Variants in GALNT9 observed in about 807,000 individuals in gnomAD.
GALNT9 encodes polypeptide N-acetylgalactosaminyltransferase 9.
GALNT9 carries 47 observed loss-of-function variants against 63.1 expected under a neutral mutation model. That is an observed-to-expected ratio of 0.75 (90% CI 0.59 to 0.95). The LOEUF (loss-of-function observed/expected upper bound fraction) is 0.95. Among genes scored for constraint, GALNT9 ranks in the 40% least tolerant of loss-of-function variants. GALNT9 has a pLI of 0.00. For missense variants in GALNT9, 829 were observed against 874.8 expected (o/e 0.95, Z 0.66); for synonymous variants, 396 against 365.7 (o/e 1.08, Z -0.94).
intron 6 of GALNT9, among the ~76,000 whole-genome samples, chr12:132,241,114 C>A (rs1878309452): frequency 7.5e-6 from 1 of 133,054 alleles, no homozygotes; most frequent in African/African-American, 2.9e-5. Context: ...CCATTACACA[C>A]ACAACACACA....
chr12:132,288,104 C>T (rs1046578526), intron 1 of GALNT9, among the ~76,000 whole-genome samples: 4 of 152,198 alleles, frequency 2.6e-5, no homozygotes, highest in Non-Finnish European at 4.4e-5. Context: ...GACCTTCTCT[C>T]GCGGCGCCAG....
At chr12:132,285,607 C>T (rs1373957616) in intron 2 of GALNT9, among the ~76,000 whole-genome samples, 2 of 152,230 alleles carry the variant, frequency 1.3e-5, no homozygotes, top group South Asian at 4.1e-4. Flanking sequence ...GAATGCCCTT[C>T]GCTTCAGACA....
intron 6 of GALNT9, among the ~76,000 whole-genome samples, chr12:132,227,313 C>T (rs1425430512): frequency 1.3e-5 from 2 of 152,248 alleles, no homozygotes; most frequent in South Asian, 2.1e-4. Context: ...TCCCCGAACG[C>T]GTGTGGGGAA....
intron 1 of GALNT9, among the ~76,000 whole-genome samples, chr12:132,312,708 C>T (rs1358715513): frequency 1.3e-5 from 2 of 152,212 alleles, no homozygotes; most frequent in African/African-American, 4.8e-5. Flanking sequence ...CTGGCCCTGC[C>T]CTTGCTGAAG....
intron 1 of GALNT9, among the ~76,000 whole-genome samples, chr12:132,313,819 C>T (rs1425402722): frequency 2.9e-5 from 3 of 102,482 alleles, no homozygotes; most frequent in South Asian, 4.1e-4. Context: ...CCCATCCACC[C>T]ACCCAGCCAC....
chr12:132,220,178 A>G (rs28514346), intron 6 of GALNT9, among the ~76,000 whole-genome samples: 131,426 of 152,272 alleles, frequency 0.86, 57,001 homozygotes, highest in East Asian at 1. Context: ...AGGATCACCT[A>G]AGCCCAGGAG....
At position 132,310,605 on chromosome 12, in the gene GALNT9, A is replaced by G. The variant is rs1274569276; in HGVS notation, c.238+18361T>C. Among the ~76,000 whole-genome samples, 5 of 152,168 alleles carry G rather than the reference A, an allele frequency of 3.3e-5. No individual in the cohort carries two copies. Among genetic ancestry groups the G allele is most frequent in the Non-Finnish European group, 5.9e-5 (4 of 68,016 alleles). ...ATATGTGGGCGGCTGTGATTTTTCA[A>G]CTTGGAAGGAAGTGGGCTTTCAAGC... On this transcript the variant is annotated intron_variant, in intron 1 of 10. Transcript: ENST00000328957. The surrounding 1 kb of genome is among the most constrained non-coding windows in gnomAD (Gnocchi z 4.8).
rs930877452 is a variant in GALNT9 at position 132,310,453 on chromosome 12, G to A, written c.238+18513C>T. Among the ~76,000 whole-genome samples the A allele has an allele frequency of 9.9e-5, 15 of 152,164 alleles. No individual in the cohort carries two copies. The highest frequency in any genetic ancestry group is 7.7e-4 in the East Asian group (4 of 5,186). On this transcript the variant is annotated intron_variant, in intron 1 of 10. Transcript: ENST00000328957. This position sits in a 1 kb window ranked among gnomAD's most constrained non-coding sequence, Gnocchi z 4.8. The stretch of plus-strand genomic sequence containing the variant: ...CAGCCCCACCCAGAAGGACGGGGCC[G>A]GCCATCTCCTGGAGGCTGAGAGCCC...
intron 2 of GALNT9, chr12:132,284,535 G>A (rs1555241985): frequency 6.6e-6 from 1 of 152,246 alleles, no homozygotes; most frequent in Non-Finnish European, 1.5e-5. Flanking sequence ...CAAATGGAAA[G>A]CTGGCATCAC....
At chr12:132,227,178 G>A (rs934565555) in intron 6 of GALNT9, among the ~76,000 whole-genome samples, 79 of 152,286 alleles carry the variant, frequency 5.2e-4, no homozygotes, top group Non-Finnish European at 4.1e-4. Flanking sequence ...AATGGCTAGG[G>A]CATGAGGAGA....
chr12:132,257,901 C>A lies in GALNT9; in HGVS notation c.762-15G>T. On this transcript the variant is annotated splice_polypyrimidine_tract_variant and intron_variant, in intron 4 of 10. Transcript: ENST00000328957. The stretch of plus-strand genomic sequence containing the variant: ...CGGGCTCGGCCCTGCGGAGGCACAG[C>A]TGTGAGGAGGGGCGGCCCCAGCCCA... 6.7e-7 allele frequency: 1 copy of A among 1,501,670 alleles called. No individual in the cohort carries two copies. The highest frequency in any genetic ancestry group is 9.0e-7 in the Non-Finnish European group (1 of 1,112,004). 93.0% of individuals were successfully genotyped at this position (1,501,670 alleles called of 1,614,324 possible). A position where few individuals can be genotyped will look rare whatever the true frequency, so the allele number is the denominator to read the frequency against.
At chr12:132,239,717 C>T (rs1379038515) in intron 6 of GALNT9, among the ~76,000 whole-genome samples, 1 of 151,528 alleles carries the variant, frequency 6.6e-6, no homozygotes, top group Non-Finnish European at 1.5e-5. Flanking sequence ...CAAAGAGACA[C>T]AGAGAGACAA....
rs117513051 is a variant in GALNT9 at position 132,246,996 on chromosome 12, A to T, written c.1077+914T>A. On this transcript the variant is annotated intron_variant, in intron 6 of 10. Coordinates refer to ENST00000328957, the MANE Select transcript of GALNT9 (RefSeq NM_001122636.2). This position sits in a 1 kb window ranked among gnomAD's most constrained non-coding sequence, Gnocchi z 4.7. ...GTGCAACTTAATAAACTACATATAA[A>T]TTTTTAAAACTAGCCTTAACTCTTT... Among the ~76,000 whole-genome samples the T allele has an allele frequency of 1.5e-3, 235 of 152,334 alleles. 1 individual carries two copies. In the East Asian group the frequency reaches 0.027, roughly 18 times the overall value.
chr12:132,240,218 T>A (rs2136897897), intron 6 of GALNT9, among the ~76,000 whole-genome samples: 5,727 of 151,986 alleles, frequency 0.038, 290 homozygotes, highest in African/African-American at 0.12. Context: ...TTGAGTGGGG[T>A]GGTCGCCCTA....
chr12:132,240,924 C>T (rs1593077760), intron 6 of GALNT9, among the ~76,000 whole-genome samples: 1 of 136,900 alleles, frequency 7.3e-6, no homozygotes, highest in Admixed American at 7.3e-5. Context: ...CTCCCTATCC[C>T]CATTACACAC....
intron 6 of GALNT9, among the ~76,000 whole-genome samples, chr12:132,228,519 G>A (rs1877785225): frequency 1.3e-5 from 2 of 151,234 alleles, no homozygotes; most frequent in Non-Finnish European, 2.9e-5. Flanking sequence ...GAGGAAGGGT[G>A]ACACCTCTTT....
intron 2 of GALNT9, among the ~76,000 whole-genome samples, chr12:132,264,088 C>A (rs73471516): frequency 0.062 from 9,445 of 152,284 alleles, 959 homozygotes; most frequent in African/African-American, 0.21. Context: ...AATGACCTCT[C>A]ATTTGATTTA....
rs1007968666 is a variant in GALNT9 at position 132,316,028 on chromosome 12, G to C, written c.238+12938C>G. On this transcript the variant is annotated intron_variant, in intron 1 of 10. Transcript: ENST00000328957. The surrounding 1 kb of genome is among the most constrained non-coding windows in gnomAD (Gnocchi z 4.3). The stretch of plus-strand genomic sequence containing the variant: ...AGGGCACGGCAGGCAGGCAGCCCCC[G>C]AAACGGCCGCCCACCCCCTCACGCC... 6.6e-6 allele frequency among the ~76,000 whole-genome samples: 1 copy of C among 152,144 alleles called. No homozygotes were observed. Among genetic ancestry groups the C allele is most frequent in the Non-Finnish European group, 1.5e-5 (1 of 68,024 alleles).
rs1197449977 is a variant in GALNT9 at position 132,310,249 on chromosome 12, C to G, written c.238+18717G>C. On this transcript the variant is annotated intron_variant, in intron 1 of 10. Transcript: ENST00000328957. The surrounding 1 kb of genome is among the most constrained non-coding windows in gnomAD (Gnocchi z 4.8). ...AGGGTGCCACCAGCCCTCCAGGTCT[C>G]ACCGGCCACACCGCGGTTCGGCATT... 6.6e-6 allele frequency among the ~76,000 whole-genome samples: 1 copy of G among 152,124 alleles called. No individual in the cohort carries two copies. The highest frequency in any genetic ancestry group is 1.9e-4 in the East Asian group (1 of 5,186).
Sources: gnomAD v4.1 joint callset for allele counts (sites outside exome capture counted in the v4.1 genomes callset) on GRCh38, gnomAD v4.1.1 for gene constraint, Gnocchi (gnomAD v3.1) non-coding constraint, MANE v1.5 for transcripts, NCBI Gene and HGNC (gene_info 2026-07-23, HGNC 2026-07-21) for gene names.